The following KANK1 variants were observed in gnomAD, a reference collection of about 807,000 sequenced individuals.
The protein encoded by KANK1 is KN motif and ankyrin repeat domain-containing protein 1.
Under a neutral mutation model 106.2 loss-of-function variants are expected in KANK1, and 109 were observed. That is an observed-to-expected ratio of 1.03 (90% confidence interval 0.88 to 1.20). The LOEUF is 1.20. Ranked by LOEUF, KANK1 falls within the 50% of genes most tolerant of loss-of-function variation. KANK1 has a pLI of 0.00. For synonymous variants in KANK1, 873 were observed against 652.2 expected (o/e 1.34, Z -5.16); for missense variants, 2,399 against 1,710.7 (o/e 1.40, Z -7.10).
At chr9:716,819 T>A (rs1045388494) in intron 3 of KANK1, among the ~76,000 whole-genome samples, 24 of 152,202 alleles carry the variant, frequency 1.6e-4, no homozygotes, top group East Asian at 7.7e-4. Flanking sequence ...TACAAAAAAA[T>A]TTTTTTTAAT....
At chr9:475,392 G>T (rs776267824) in intron 3 of KANK1, among the ~76,000 whole-genome samples, 1 of 152,186 alleles carries the variant, frequency 6.6e-6, no homozygotes, top group Admixed American at 6.5e-5. Flanking sequence ...CTGTAAGACC[G>T]CAAGTCAAAG....
At chr9:553,016 C>G (rs1434336863) in intron 1 of KANK1, among the ~76,000 whole-genome samples, 1 of 152,128 alleles carries the variant, frequency 6.6e-6, no homozygotes, top group African/African-American at 2.4e-5. Flanking sequence ...CCTGGTGGCA[C>G]ACACCTGTAA....
chr9:595,788 C>T (rs1283219807), intron 1 of KANK1, among the ~76,000 whole-genome samples: 1 of 151,886 alleles, frequency 6.6e-6, no homozygotes, highest in Non-Finnish European at 1.5e-5. Context: ...TCCCAAAGTG[C>T]TGGGATTATA....
intron 3 of KANK1, chr9:477,955 C>T: frequency 6.3e-6 from 1 of 159,276 alleles, no homozygotes; most frequent in Non-Finnish European, 1.4e-5. Context: ...TAAGATCAAC[C>T]CTCTGGACCT....
chr9:518,088 G>A (rs1267081221), intron 1 of KANK1, among the ~76,000 whole-genome samples: 1 of 151,596 alleles, frequency 6.6e-6, no homozygotes, highest in Non-Finnish European at 1.5e-5. Context: ...AGTAGCCTTA[G>A]TACTGTGGAA....
At chr9:601,776 C>G (rs1458923750) in intron 1 of KANK1, among the ~76,000 whole-genome samples, 1 of 151,790 alleles carries the variant, frequency 6.6e-6, no homozygotes, top group Non-Finnish European at 1.5e-5. Context: ...CAAGTACTTC[C>G]TCACATTATG....
intron 2 of KANK1, among the ~76,000 whole-genome samples, chr9:690,842 G>T (rs552439828): frequency 6.6e-6 from 1 of 152,154 alleles, no homozygotes; most frequent in Non-Finnish European, 1.5e-5. Context: ...TATACGCTCA[G>T]CCAGCCTGGT....
At chr9:686,341 C>T (rs903832433) in intron 2 of KANK1, among the ~76,000 whole-genome samples, 1 of 152,186 alleles carries the variant, frequency 6.6e-6, no homozygotes, top group Non-Finnish European at 1.5e-5. Flanking sequence ...CATGTTCCCC[C>T]TCAGCTGTGA....
intron 1 of KANK1, among the ~76,000 whole-genome samples, chr9:515,383 C>T (rs2059237271): frequency 6.6e-6 from 1 of 150,584 alleles, no homozygotes; most frequent in Admixed American, 6.6e-5. Flanking sequence ...TTAAAGAATT[C>T]ATCTAGAGAC....
chr9:652,159 T>C (rs1186977467), intron 1 of KANK1, among the ~76,000 whole-genome samples: 1 of 152,188 alleles, frequency 6.6e-6, no homozygotes, highest in Non-Finnish European at 1.5e-5. Flanking sequence ...AATTAATTAT[T>C]GCAAATATGT....
At chr9:592,017 C>G (rs1825025300) in intron 1 of KANK1, among the ~76,000 whole-genome samples, 1 of 151,706 alleles carries the variant, frequency 6.6e-6, no homozygotes, top group Non-Finnish European at 1.5e-5. Flanking sequence ...GCCTGTAACA[C>G]CATAGGGGCA....
At chr9:706,081 C>G (rs1824077591) in intron 2 of KANK1, among the ~76,000 whole-genome samples, 1 of 151,946 alleles carries the variant, frequency 6.6e-6, no homozygotes, top group African/African-American at 2.4e-5. Context: ...AATAATGACA[C>G]CGGGTAGTTT....
intron 1 of KANK1, among the ~76,000 whole-genome samples, chr9:530,973 T>C (rs1457974599): frequency 6.6e-6 from 1 of 151,962 alleles, no homozygotes; most frequent in African/African-American, 2.4e-5. Context: ...TAAAATAATT[T>C]TAAAAAATGA....
chr9:697,252 T>C (rs1323259), intron 2 of KANK1, among the ~76,000 whole-genome samples: 72 of 152,302 alleles, frequency 4.7e-4, no homozygotes, highest in African/African-American at 1.6e-3. Context: ...GTCCAGGCCA[T>C]GCCTTCTTGG....
chr9:498,542 C>A (rs1313797347), intron 3 of KANK1, among the ~76,000 whole-genome samples: 1 of 152,164 alleles, frequency 6.6e-6, no homozygotes, highest in Non-Finnish European at 1.5e-5. Context: ...CAGATAAAGA[C>A]TAGTATCACT....
rs894426215 is a variant in KANK1 at position 740,729 on chromosome 9, C to T, written c.3554-63C>T. On this transcript the variant is annotated intron_variant, in intron 8 of 11. Transcript: ENST00000382297. Reference sequence around the variant, plus strand: ...GTAAACACCATCCCTTCAGTGGCTTCGTAAGCGGCTGCTATTAGAAGGGGC... The same window carrying T: ...GTAAACACCATCCCTTCAGTGGCTTTGTAAGCGGCTGCTATTAGAAGGGGC... The T allele has an allele frequency of 1.2e-5, 19 of 1,552,720 alleles. 1 individual carries two copies. The highest frequency in any genetic ancestry group is 5.7e-5 in the Admixed American group (3 of 52,488).
chr9:742,195 C>A lies in KANK1; in HGVS notation c.3697-10C>A, dbSNP rs371523067. ...CGTACTTCTGAAGTCCTTGTCATCT[C>A]TTCCCATAGGCGGGACAGACGGCCC... On this transcript the variant is annotated splice_polypyrimidine_tract_variant and intron_variant, in intron 9 of 11. Transcript: ENST00000382297. 2.5e-5 allele frequency: 40 copies of A among 1,613,452 alleles called. No individual in the cohort carries two copies. The East Asian group carries it at 8.7e-4, about 35-fold the overall frequency.
Position 596,962 on chromosome 9 carries a change from A to G in KANK1, c.-83-79928A>G, listed in dbSNP as rs534716303. On this transcript the variant is annotated intron_variant, in intron 1 of 11. Coordinates refer to ENST00000382297, the MANE Select transcript of KANK1 (RefSeq NM_015158.5). ...TGCTTTCAGTCTCTATGAATTTACA[A>G]TTCTAGATACCACATGTAAAATAAA... Among the ~76,000 whole-genome samples the G allele has an allele frequency of 3.0e-4, 46 of 151,946 alleles. 3 individuals are homozygous for G. Among genetic ancestry groups the G allele is most frequent in the African/African-American group, 8.7e-4 (36 of 41,256 alleles).
At chr9:637,315 A>G (rs1435001205) in intron 1 of KANK1, among the ~76,000 whole-genome samples, 2 of 152,124 alleles carry the variant, frequency 1.3e-5, no homozygotes, top group Admixed American at 1.3e-4. Context: ...CTGGCCTTTC[A>G]TCATCTGTGA....
Sources: gnomAD v4.1 joint callset for allele counts (sites outside exome capture counted in the v4.1 genomes callset) on GRCh38, gnomAD v4.1.1 for gene constraint, MANE v1.5 for transcripts, NCBI Gene and HGNC (gene_info 2026-07-23, HGNC 2026-07-21) for gene names.